Variants in LRRC24 observed in about 807,000 individuals in gnomAD.
LRRC24 encodes leucine rich repeat containing 24.
A neutral mutation model predicts 15.3 loss-of-function variants in LRRC24; 19 were observed. That is an observed-to-expected ratio of 1.25 (90% CI 0.87 to 1.83). The LOEUF (loss-of-function observed/expected upper bound fraction) is 1.83, where lower values mean the gene tolerates loss of function less well. LRRC24 is among the 40% of genes most tolerant of loss of function. LRRC24 has a pLI of 0.00. For synonymous variants in LRRC24, 469 were observed against 359.6 expected (o/e 1.30, Z -3.44); for missense variants, 914 against 723.9 (o/e 1.26, Z -3.01).
At position 144,522,526 on chromosome 8, in the gene LRRC24, C is replaced by T. The variant is rs749943770; in HGVS notation, c.1491G>A (p.Ala497=). The T allele has an allele frequency of 9.4e-5, 143 of 1,515,660 alleles. No homozygotes were observed. The highest frequency in any genetic ancestry group is 4.3e-4 in the Admixed American group (20 of 45,980). The allele number at this position is 1,515,660 out of a possible 1,614,324, so 93.9% of individuals were successfully genotyped here. The change falls in exon 5 of 5, where the codon GCG becomes GCA. Residue 497 remains alanine, a synonymous_variant. Coordinates refer to ENST00000529415, the MANE Select transcript of LRRC24 (RefSeq NM_001024678.4). The part of the protein sequence containing the change: ...APADCGPEQG[A]GPGLRVPPPV... The stretch of plus-strand genomic sequence containing the variant: ...GCGGGGGCACGCGGAGTCCCGGCCC[C>T]GCCCCCTGTTCCGGGCCGCAGTCAG...
intron 2 of LRRC24, 44 bp downstream of exon 2, chr8:144,524,772 C>T (rs1287020404): frequency 7.0e-7 from 1 of 1,436,150 alleles, no homozygotes; most frequent in Non-Finnish European, 9.1e-7. Flanking sequence ...GTCTTCCTCT[C>T]CCTGGGGGCA....
Position 144,522,778 on chromosome 8 carries a change from C to G in LRRC24, c.1239G>C (p.Leu413=). The G allele has an allele frequency of 6.4e-7, 1 of 1,561,594 alleles. No homozygotes were observed. The highest frequency in any genetic ancestry group is 8.6e-7 in the Non-Finnish European group (1 of 1,157,700). The change falls in exon 5 of 5, where the codon CTG becomes CTC. Residue 413 remains leucine, a synonymous_variant. Transcript: ENST00000529415. ...CCAGGAGCAGCGCCGTGAGCGCCAGCAGCGCGATGGCCGCCGCAATGGCCG... is the reference window on the plus strand; with the variant it reads ...CCAGGAGCAGCGCCGTGAGCGCCAGGAGCGCGATGGCCGCCGCAATGGCCG... The part of the protein sequence containing the change: ...TQTAIAAAIA[L]LALTALLLVA...
At position 144,522,559 on chromosome 8, in the gene LRRC24, C is replaced by G. The variant is rs978962899; in HGVS notation, c.1458G>C (p.Glu486Asp). ...GTTCCGGGCCGCAGTCAGCGGGCGC[C>G]TCCGCCGGACCCTCGGCGAAGAGCG... Reference protein sequence around the residue: ...SKPLFAEGPAEAPADCGPEQG... With the variant: ...SKPLFAEGPADAPADCGPEQG... The change falls in exon 5 of 5, where the codon GAG becomes GAC. Residue 486 changes from glutamate (E) to aspartate (D), a missense_variant. Coordinates refer to ENST00000529415, the MANE Select transcript of LRRC24 (RefSeq NM_001024678.4). The G allele has an allele frequency of 1.9e-6, 3 of 1,541,904 alleles. No homozygotes were observed. In the African/African-American group the frequency reaches 4.2e-5, roughly 22 times the overall value.
chr8:144,523,242 G>T lies in LRRC24; in HGVS notation c.775C>A (p.Pro259Thr), dbSNP rs1816201617. Residue 259 changes from proline (P) to threonine (T), a missense_variant, in exon 5 of 5, where the codon CCG (proline) becomes ACG (threonine). Coordinates refer to ENST00000529415, the MANE Select transcript of LRRC24 (RefSeq NM_001024678.4). The part of the protein sequence containing the change: ...DVSHSSLICI[P>T]PSVHVQPLEL... ...AGCGGCTGCACGTGGACAGAGGGCG[G>T]AATGCAGATGAGGCTGCTGTGGGAT... The T allele has an allele frequency of 1.9e-6, 3 of 1,610,230 alleles. No individual in the cohort carries two copies. The highest frequency in any genetic ancestry group is 2.5e-6 in the Non-Finnish European group (3 of 1,178,914).
chr8:144,523,766 G>C, intron 4 of LRRC24: 1 of 414,770 alleles, frequency 2.4e-6, no homozygotes, highest in Non-Finnish European at 4.3e-6. Flanking sequence ...AGTCCTCTCA[G>C]CCTTGCCTTT....
chr8:144,522,891 G>A lies in LRRC24; in HGVS notation c.1126C>T (p.Pro376Ser), dbSNP rs776598919. The change falls in exon 5 of 5, where the codon CCG (proline) becomes TCG (serine). Residue 376 changes from proline to serine, a missense_variant. Coordinates refer to ENST00000529415, the MANE Select transcript of LRRC24 (RefSeq NM_001024678.4). ...RQQPQQPAQPPPPAARPAGSE... is the reference protein window; with the variant it reads ...RQQPQQPAQPSPPAARPAGSE... ...CCGGCGGGGCGGGCGGCCGGAGGCG[G>A]CGGTTGCGCGGGCTGCTGCGGCTGC... The A allele has an allele frequency of 7.8e-7, 1 of 1,284,410 alleles. No homozygotes were observed. The highest frequency in any genetic ancestry group is 2.8e-5 in the South Asian group (1 of 35,202). 79.6% of individuals were successfully genotyped at this position (1,284,410 alleles called of 1,614,324 possible).
intron 1 of LRRC24, chr8:144,525,865 G>A (rs924082487): frequency 2.0e-5 from 3 of 152,204 alleles, no homozygotes; most frequent in African/African-American, 7.2e-5. Context: ...AGTGGGCTCT[G>A]GGAGCAGTGT....
rs150669119 is a variant in LRRC24, at chr8:144,523,213, C to T, written c.804G>A (p.Glu268=). The change falls in exon 5 of 5, where the codon GAG becomes GAA. Residue 268 remains glutamate, a synonymous_variant. Coordinates refer to ENST00000529415, the MANE Select transcript of LRRC24 (RefSeq NM_001024678.4). The part of the protein sequence containing the change: ...IPPSVHVQPL[E]LTANLGEDLR... The stretch of plus-strand genomic sequence containing the variant: ...GGTCCTCACCCAGGTTGGCTGTGAG[C>T]TCCAGCGGCTGCACGTGGACAGAGG... 7 of 1,609,036 alleles carry T rather than the reference C, an allele frequency of 4.4e-6. No homozygotes were observed. In the African/African-American group the frequency reaches 6.7e-5, roughly 15 times the overall value.
In LRRC24 at chr8:144,524,494, G is replaced by C. The variant is rs1263571039; in HGVS notation, c.385C>G (p.Leu129Val). Residue 129 changes from leucine (L) to valine (V), a missense_variant, in exon 3 of 5, where the codon CTG becomes GTG. By Grantham distance (32) the Leu-to-Val change is conservative. Transcript: ENST00000529415. ...VGLAQLRVLY[L>V]AGNQLARLLD... ...AGCCGCGCCAGCTGGTTGCCCGCCA[G>C]GTAGAGCACGCGCAGCTGGGCCAGG... 6.3e-7 allele frequency: 1 copy of C among 1,597,430 alleles called. No homozygotes were observed. Among genetic ancestry groups the C allele is most frequent in the Admixed American group, 1.7e-5 (1 of 59,954 alleles).
At chr8:144,523,985 A>G in intron 4 of LRRC24, 125 bp downstream of exon 4, 1 of 1,119,950 alleles carries the variant, frequency 8.9e-7, no homozygotes, top group Non-Finnish European at 1.3e-6. Context: ...GTGTGGCTGC[A>G]GGCGGTGGTG....
In LRRC24 at chr8:144,523,089, G is replaced by C. The variant is rs1200481781; in HGVS notation, c.928C>G (p.Leu310Val). The change falls in exon 5 of 5, where the codon CTA (leucine) becomes GTA (valine). Residue 310 changes from leucine (L) to valine (V), a missense_variant. Physicochemically the swap from Leu to Val is conservative, Grantham distance 32. Transcript: ENST00000529415. ...REGRPRAQAQ[L>V]EGGLLGLGGH... ...CCCAGGCCCAGCAACCCGCCTTCTA[G>C]CTGGGCCTGGGCTCGCGGCCGGCCC... The C allele has an allele frequency of 1.2e-6, 2 of 1,608,618 alleles. No individual in the cohort carries two copies. The highest frequency in any genetic ancestry group is 1.7e-4 in the Middle Eastern group (1 of 6,048).
rs1181994224 is a variant in LRRC24, at chr8:144,523,144, C to T, written c.873G>A (p.Val291=). The T allele has an allele frequency of 3.7e-6, 6 of 1,610,868 alleles. No individual in the cohort carries two copies. Among genetic ancestry groups the T allele is most frequent in the South Asian group, 1.1e-5 (1 of 90,916 alleles). Residue 291 remains valine (V), a synonymous_variant, in exon 5 of 5, where the codon GTG becomes GTA. Transcript: ENST00000529415. Reference sequence around the variant, plus strand: ...GAGGCTGGGGCACCTTTCTCCAGGTCACCAATGGCTGCGGGTAGCCGGAGG... The same window carrying T: ...GAGGCTGGGGCACCTTTCTCCAGGTTACCAATGGCTGCGGGTAGCCGGAGG... The part of the protein sequence containing the change: ...CQASGYPQPL[V]TWRKVPQPRE...
intron 1 of LRRC24, chr8:144,525,913 G>C (rs1816343281): frequency 6.6e-6 from 1 of 152,162 alleles, no homozygotes; most frequent in African/African-American, 2.4e-5. Context: ...AGTTTGCTGG[G>C]GGACCATATA....
Position 144,522,538 on chromosome 8 carries a change from C to G in LRRC24, c.1479G>C (p.Pro493=). The G allele has an allele frequency of 3.3e-6, 5 of 1,524,088 alleles. No homozygotes were observed. Among genetic ancestry groups the G allele is most frequent in the Non-Finnish European group, 4.4e-6 (5 of 1,137,668 alleles). The allele number at this position is 1,524,088 out of a possible 1,614,324, so 94.4% of individuals were successfully genotyped here. A position where few individuals can be genotyped will look rare whatever the true frequency, so the allele number is the denominator to read the frequency against. ...GPAEAPADCG[P]EQGAGPGLRV... is the part of the protein sequence containing the mutation. ...GGAGTCCCGGCCCCGCCCCCTGTTC[C>G]GGGCCGCAGTCAGCGGGCGCCTCCG... The change falls in exon 5 of 5, where the codon CCG becomes CCC. Residue 493 remains proline, a synonymous_variant. Transcript: ENST00000529415.
chr8:144,523,463 G>C, intron 4 of LRRC24, 54 bp from the exon 5 acceptor site: 6 of 1,493,500 alleles, frequency 4.0e-6, no homozygotes, highest in Non-Finnish European at 4.4e-6. Flanking sequence ...AAAACAGCCT[G>C]TGCAGTTGGG....
rs1359594033 is a variant in LRRC24, at chr8:144,524,647, G to C, written c.232C>G (p.Arg78Gly). 5 of 1,502,550 alleles carry C rather than the reference G, an allele frequency of 3.3e-6. No homozygotes were observed. Among genetic ancestry groups the C allele is most frequent in the Non-Finnish European group, 4.4e-6 (5 of 1,135,562 alleles). 93.1% of individuals were successfully genotyped at this position (1,502,550 alleles called of 1,614,324 possible). The change falls in exon 3 of 5, where the codon CGG becomes GGG. Residue 78 changes from arginine (R) to glycine (G), a missense_variant. Arg to Gly is a moderately radical substitution (Grantham distance 125, BLOSUM62 -2). Coordinates refer to ENST00000529415, the MANE Select transcript of LRRC24 (RefSeq NM_001024678.4). Reference protein sequence around the residue: ...GALAPLAALRRLYLHNNSLRA... With the variant: ...GALAPLAALRGLYLHNNSLRA... ...AGGCTGTTGTTGTGCAGGTAGAGCC[G>C]GCGCAGAGCGGCGAGTGGCGCCAGG... is the stretch of plus-strand genomic sequence containing the variant.
intron 1 of LRRC24, chr8:144,526,524 G>A (rs987214260): frequency 3.3e-5 from 5 of 152,294 alleles, no homozygotes; most frequent in African/African-American, 1.2e-4. Flanking sequence ...AGGGCCCCAA[G>A]CTGGAAGCAG....
rs1280562456 is a variant in LRRC24 at position 144,523,232 on chromosome 8, A to G, written c.785T>C (p.Val262Ala). The G allele has an allele frequency of 8.7e-6, 14 of 1,610,058 alleles. No homozygotes were observed. In the South Asian group the frequency reaches 1.4e-4, roughly 16 times the overall value. Reference protein sequence around the residue: ...HSSLICIPPSVHVQPLELTAN... With the variant: ...HSSLICIPPSAHVQPLELTAN... ...TGTGAGCTCCAGCGGCTGCACGTGG[A>G]CAGAGGGCGGAATGCAGATGAGGCT... The change falls in exon 5 of 5, where the codon GTC becomes GCC. Residue 262 changes from valine to alanine, a missense_variant. Physicochemically the swap from Val to Ala is moderately conservative, Grantham distance 64. Coordinates refer to ENST00000529415, the MANE Select transcript of LRRC24 (RefSeq NM_001024678.4).
chr8:144,525,521 C>G (rs1388773196), intron 1 of LRRC24, among the ~76,000 whole-genome samples: 1 of 152,170 alleles, frequency 6.6e-6, no homozygotes, highest in East Asian at 1.9e-4. Flanking sequence ...AGACACGCCT[C>G]CTTGTTATCC....
Sources: gnomAD v4.1 joint callset for allele counts (sites outside exome capture counted in the v4.1 genomes callset) on GRCh38, gnomAD v4.1.1 for gene constraint, MANE v1.5 for transcripts, NCBI Gene and HGNC (gene_info 2026-07-23, HGNC 2026-07-21) for gene names.